The following SLC7A5 variants were observed in gnomAD, a reference collection of about 807,000 sequenced individuals.
SLC7A5 encodes the protein large neutral amino acids transporter small subunit 1.
A neutral mutation model predicts 50.2 loss-of-function variants in SLC7A5; 23 were observed. The observed-to-expected ratio is 0.46, with a 90% confidence interval of 0.33 to 0.65. The LOEUF (loss-of-function observed/expected upper bound fraction) is 0.65, where lower values mean the gene tolerates loss of function less well. SLC7A5 is among the 30% of genes least tolerant of loss of function. The pLI is 0.02. For missense variants in SLC7A5, 578 were observed against 684.4 expected (o/e 0.84, Z 1.73); for synonymous variants, 393 against 330.6 (o/e 1.19, Z -2.05).
intron 2 of SLC7A5, among the ~76,000 whole-genome samples, chr16:87,843,817 G>A (rs1431163459): frequency 6.6e-6 from 1 of 152,158 alleles, no homozygotes; most frequent in African/African-American, 2.4e-5. Context: ...CCAGGCTGAG[G>A]CCCTGTGCAA....
intron 1 of SLC7A5, among the ~76,000 whole-genome samples, chr16:87,856,976 C>T (rs747487321): frequency 1.5e-4 from 23 of 151,102 alleles, no homozygotes; most frequent in Non-Finnish European, 2.9e-4. Context: ...CCAGCACAGG[C>T]GCGTGCTTCC....
Position 87,855,194 on chromosome 16 carries a change from C to T in SLC7A5, c.539-3345G>A, listed in dbSNP as rs576898023. On this transcript the variant is annotated intron_variant, in intron 1 of 9. Coordinates refer to ENST00000261622, the MANE Select transcript of SLC7A5 (RefSeq NM_003486.7). The stretch of plus-strand genomic sequence containing the variant: ...GGGCACCAAGGCCTCCCACTGCTCT[C>T]GCCACGTGCCCTGCTGCTCAGAGCT... 1.3e-3 allele frequency among the ~76,000 whole-genome samples: 202 copies of T among 152,320 alleles called. 1 individual carries two copies. Among genetic ancestry groups the T allele is most frequent in the Non-Finnish European group, 2.0e-3 (134 of 68,006 alleles).
rs148698089 is a variant in SLC7A5 at position 87,860,930 on chromosome 16, C to T, written c.538+7955G>A. Among the ~76,000 whole-genome samples the T allele has an allele frequency of 2.2e-3, 331 of 152,306 alleles. No homozygotes were observed. The highest frequency in any genetic ancestry group is 7.5e-3 in the African/African-American group (311 of 41,582). On this transcript the variant is annotated intron_variant, in intron 1 of 9. Transcript: ENST00000261622. This position sits in a 1 kb window ranked among gnomAD's most constrained non-coding sequence, Gnocchi z 4.8. ...GACGCCTCCCACACTCCCGGAGGCA[C>T]GCACGTGCTGTGGCCACCCCGGAGG...
intron 2 of SLC7A5, among the ~76,000 whole-genome samples, chr16:87,848,800 C>T (rs897576208): frequency 2.6e-5 from 4 of 152,382 alleles, no homozygotes; most frequent in East Asian, 1.9e-4. Context: ...GCTCTGGATG[C>T]GGGGCCATGT....
chr16:87,862,291 C>T lies in SLC7A5; in HGVS notation c.538+6594G>A, dbSNP rs1311978689. Among the ~76,000 whole-genome samples the T allele has an allele frequency of 2.0e-5, 3 of 152,114 alleles. No individual in the cohort carries two copies. Among genetic ancestry groups the T allele is most frequent in the African/African-American group, 7.2e-5 (3 of 41,396 alleles). ...GCAGCCTGAAGACCCTGGGGCAAAA[C>T]ACACACAGGCCCCCTCTGCTCTCTG... On this transcript the variant is annotated intron_variant, in intron 1 of 9. Coordinates refer to ENST00000261622, the MANE Select transcript of SLC7A5 (RefSeq NM_003486.7). This position sits in a 1 kb window ranked among gnomAD's most constrained non-coding sequence, Gnocchi z 5.3.
At chr16:87,842,853 T>C (rs1431201437) in intron 2 of SLC7A5, among the ~76,000 whole-genome samples, 1 of 123,058 alleles carries the variant, frequency 8.1e-6, no homozygotes, top group Non-Finnish European at 1.6e-5. Flanking sequence ...GACAGGGCAC[T>C]TTGCACAGCA....
intron 2 of SLC7A5, among the ~76,000 whole-genome samples, chr16:87,843,052 C>T (rs1176710953): frequency 1.3e-5 from 2 of 152,138 alleles, no homozygotes; most frequent in African/African-American, 4.8e-5. Flanking sequence ...TCCTGCCTCC[C>T]CCATCTGGCA....
chr16:87,855,403 C>T (rs1014791037), intron 1 of SLC7A5, among the ~76,000 whole-genome samples: 16 of 152,142 alleles, frequency 1.1e-4, no homozygotes, highest in African/African-American at 3.6e-4. Context: ...GGCCCACAGA[C>T]GGGACAGGTG....
intron 1 of SLC7A5, among the ~76,000 whole-genome samples, chr16:87,864,214 C>A (rs1449157796): frequency 6.6e-6 from 1 of 151,314 alleles, no homozygotes; most frequent in South Asian, 2.1e-4. Context: ...GTCGCTTGAA[C>A]CCAGGAGGCA....
chr16:87,848,111 CT>C (rs1470111461), intron 2 of SLC7A5, among the ~76,000 whole-genome samples: 1 of 146,302 alleles, frequency 6.8e-6, no homozygotes, highest in African/African-American at 2.6e-5. Context: ...GCTTTCTTTC[CT>C]TTTTGTGGAC....
In SLC7A5 at chr16:87,860,325, C is replaced by CAA. The variant is rs1179150611; in HGVS notation, c.539-8478_539-8477dup. ...TCCAGCCCGAGTAACAAAAGCATCT[C>CAA]AAAAAAAAAAAAAAATACACACACA... On this transcript the variant is annotated intron_variant, in intron 1 of 9. Coordinates refer to ENST00000261622, the MANE Select transcript of SLC7A5 (RefSeq NM_003486.7). This position sits in a 1 kb window ranked among gnomAD's most constrained non-coding sequence, Gnocchi z 4.8. Among the ~76,000 whole-genome samples the CAA allele has an allele frequency of 1.3e-5, 1 of 78,992 alleles. No individual in the cohort carries two copies. The highest frequency in any genetic ancestry group is 5.2e-5 in the African/African-American group (1 of 19,178). 51.8% of individuals were successfully genotyped at this position (78,992 alleles called of 152,430 possible).
chr16:87,837,944 G>A lies in SLC7A5; in HGVS notation c.1044-3C>T, dbSNP rs765140891. ...CCCGGGACCCCACGAAGAAGAGCCTGTGGACAGACAAGAGTGGCAGAGTCA... is the reference window on the plus strand; with the variant it reads ...CCCGGGACCCCACGAAGAAGAGCCTATGGACAGACAAGAGTGGCAGAGTCA... On this transcript the variant is annotated splice_polypyrimidine_tract_variant and splice_region_variant and intron_variant, in intron 6 of 9. Transcript: ENST00000261622. 22 of 1,599,958 alleles carry A rather than the reference G, an allele frequency of 1.4e-5. No individual in the cohort carries two copies. The South Asian group carries it at 2.0e-4, about 15-fold the overall frequency.
intron 1 of SLC7A5, among the ~76,000 whole-genome samples, chr16:87,867,228 G>T (rs1240135645): frequency 6.6e-6 from 1 of 152,228 alleles, no homozygotes; most frequent in Non-Finnish European, 1.5e-5. Context: ...CCAACCAGGG[G>T]TTCATTTTTT....
At position 87,852,460 on chromosome 16, in the gene SLC7A5, G is replaced by T. The variant is rs1380689355; in HGVS notation, c.539-611C>A. On this transcript the variant is annotated intron_variant, in intron 1 of 9. Transcript: ENST00000261622. The surrounding 1 kb of genome is among the most constrained non-coding windows in gnomAD (Gnocchi z 4.5). ...CAGACCCTGCTGCCCTGCTGCTTTG[G>T]GGGCATACGATGAAACCCAAAATAG... is the stretch of plus-strand genomic sequence containing the variant. Among the ~76,000 whole-genome samples, 3 of 152,128 alleles carry T rather than the reference G, an allele frequency of 2.0e-5. No individual in the cohort carries two copies. Among genetic ancestry groups the T allele is most frequent in the Non-Finnish European group, 2.9e-5 (2 of 68,004 alleles).
At position 87,860,309 on chromosome 16, in the gene SLC7A5, A is replaced by C. The variant is rs2143820562; in HGVS notation, c.539-8460T>G. Among the ~76,000 whole-genome samples the C allele has an allele frequency of 7.0e-6, 1 of 142,020 alleles. No homozygotes were observed. Among genetic ancestry groups the C allele is most frequent in the Non-Finnish European group, 1.5e-5 (1 of 66,194 alleles). 93.2% of individuals were successfully genotyped at this position (142,020 alleles called of 152,430 possible). A position where few individuals can be genotyped will look rare whatever the true frequency, so the allele number is the denominator to read the frequency against. On this transcript the variant is annotated intron_variant, in intron 1 of 9. Transcript: ENST00000261622. This position sits in a 1 kb window ranked among gnomAD's most constrained non-coding sequence, Gnocchi z 4.8. Reference sequence around the variant, plus strand: ...GATCATACCACTGCACTCCAGCCCGAGTAACAAAAGCATCTCAAAAAAAAA... The same window carrying C: ...GATCATACCACTGCACTCCAGCCCGCGTAACAAAAGCATCTCAAAAAAAAA...
At chr16:87,856,240 G>A (rs1286142695) in intron 1 of SLC7A5, among the ~76,000 whole-genome samples, 4 of 152,228 alleles carry the variant, frequency 2.6e-5, no homozygotes, top group East Asian at 1.9e-4. Context: ...TTCCGCGCAC[G>A]GTTTCAGAGT....
chr16:87,847,635 T>C (rs1159505531), intron 2 of SLC7A5, among the ~76,000 whole-genome samples: 1 of 152,118 alleles, frequency 6.6e-6, no homozygotes, highest in African/African-American at 2.4e-5. Context: ...ATGGGCCCAG[T>C]GCTGTCCACC....
intron 8 of SLC7A5, among the ~76,000 whole-genome samples, chr16:87,835,312 G>T (rs2054985359): frequency 6.6e-6 from 1 of 152,210 alleles, no homozygotes; most frequent in Admixed American, 6.5e-5. Flanking sequence ...CCATGCCCAG[G>T]TCCCCATGGG....
intron 1 of SLC7A5, among the ~76,000 whole-genome samples, chr16:87,854,822 G>C (rs190800201): frequency 1.3e-5 from 2 of 152,364 alleles, no homozygotes; most frequent in Non-Finnish European, 2.9e-5. Flanking sequence ...CACCTGGCTG[G>C]CTGGCAGGGG....
Sources: allele counts gnomAD v4.1 joint callset (sites outside exome capture counted in the v4.1 genomes callset), GRCh38; gene constraint gnomAD v4.1.1; non-coding constraint Gnocchi (gnomAD v3.1); transcripts MANE v1.5; gene names NCBI Gene and HGNC (gene_info 2026-07-23, HGNC 2026-07-21).